SLC4A4: variants seen among roughly 807,000 people sequenced by gnomAD.
The protein encoded by SLC4A4 is electrogenic sodium bicarbonate cotransporter 1.
Under a neutral mutation model 111.5 loss-of-function variants are expected in SLC4A4, and 27 were observed. The observed-to-expected ratio is 0.24, with a 90% CI of 0.18 to 0.33. The LOEUF (loss-of-function observed/expected upper bound fraction) is 0.33. SLC4A4 is among the 10% of genes least tolerant of loss of function. The pLI, the probability that SLC4A4 is intolerant of heterozygous loss-of-function variation, is 1.00. For synonymous variants in SLC4A4, 443 were observed against 463.4 expected, an observed-to-expected ratio of 0.96 and a Z score of 0.57; for missense variants, 909 against 1,315.5, an observed-to-expected ratio of 0.69 and a Z score of 4.78.
intron 3 of SLC4A4, 137 bp downstream of exon 3, chr4:71,255,536 T>A: frequency 1.0e-6 from 1 of 966,476 alleles, no homozygotes; most frequent in Non-Finnish European, 1.6e-6. Flanking sequence ...TAAAGGATAA[T>A]GTCTGTGGAG....
At chr4:71,361,492 G>T (rs958422730) in intron 6 of SLC4A4, among the ~76,000 whole-genome samples, 2 of 152,230 alleles carry the variant, frequency 1.3e-5, no homozygotes, top group African/African-American at 4.8e-5. Flanking sequence ...ATGCCTGCCA[G>T]GTACTAAATT....
intron 13 of SLC4A4, among the ~76,000 whole-genome samples, chr4:71,468,107 A>G (rs1226718411): frequency 1.3e-5 from 2 of 152,064 alleles, no homozygotes; most frequent in African/African-American, 4.8e-5. Flanking sequence ...AAAAGTTCCA[A>G]ATTTTAAGTA....
Position 71,321,700 on chromosome 4 carries a change from AG to A in SLC4A4, c.254-17665del, listed in dbSNP as rs369709286. Among the ~76,000 whole-genome samples the A allele has an allele frequency of 4.3e-3, 657 of 152,068 alleles. 7 individuals carry two copies. Among genetic ancestry groups the A allele is most frequent in the Middle Eastern group, 0.017 (5 of 294 alleles). On this transcript the variant is annotated intron_variant, in intron 3 of 25. Coordinates refer to ENST00000264485, the MANE Select transcript of SLC4A4 (RefSeq NM_001098484.3). ...GGCAAAGAAGGCAAAAGAGAGCAAG[AG>A]GGGGTGAATCCATTCCCCAGATAAT...
chr4:71,424,617 T>C (rs899033423), intron 7 of SLC4A4, among the ~76,000 whole-genome samples: 1 of 152,000 alleles, frequency 6.6e-6, no homozygotes, highest in Non-Finnish European at 1.5e-5. Context: ...ATAGACTGAA[T>C]TAAGAAAATG....
At chr4:71,235,078 A>G (rs1254635036) in intron 1 of SLC4A4, among the ~76,000 whole-genome samples, 1 of 152,182 alleles carries the variant, frequency 6.6e-6, no homozygotes, top group East Asian at 1.9e-4. Flanking sequence ...CCATCAATGC[A>G]TGGTTGATAT....
At chr4:71,417,020 C>A in intron 7 of SLC4A4, among the ~76,000 whole-genome samples, 1 of 152,116 alleles carries the variant, frequency 6.6e-6, no homozygotes, top group Non-Finnish European at 1.5e-5. Context: ...AGTCGACTAC[C>A]ACGAGATGGA....
At chr4:71,186,513 C>A (rs556236623), upstream of SLC4A4, among the ~76,000 whole-genome samples, 1 of 152,252 alleles carries the variant, frequency 6.6e-6, no homozygotes, top group East Asian at 1.9e-4. Context: ...GAAAAGGAAC[C>A]TGGGAGGCAA....
At chr4:71,308,553 G>C (rs1310161058) in intron 3 of SLC4A4, among the ~76,000 whole-genome samples, 2 of 152,134 alleles carry the variant, frequency 1.3e-5, no homozygotes, top group African/African-American at 4.8e-5. Context: ...TGGTTAGACA[G>C]GGGGTGCAGC....
chr4:71,320,075 T>G (rs1436961518), intron 3 of SLC4A4, among the ~76,000 whole-genome samples: 1 of 152,042 alleles, frequency 6.6e-6, no homozygotes, highest in Non-Finnish European at 1.5e-5. Context: ...GGGGAAGGAT[T>G]GGAGGGTCTT....
At chr4:71,254,690 A>G (rs939079797) in intron 2 of SLC4A4, among the ~76,000 whole-genome samples, 6 of 151,552 alleles carry the variant, frequency 4.0e-5, no homozygotes, top group South Asian at 2.1e-4. Context: ...CCTTACCCCC[A>G]GCAAAATGAC....
intron 2 of SLC4A4, among the ~76,000 whole-genome samples, chr4:71,139,720 A>T (rs908330152): frequency 6.6e-6 from 1 of 152,026 alleles, no homozygotes; most frequent in East Asian, 1.9e-4. Context: ...TATTTCACTG[A>T]TACATAGTAT....
chr4:71,350,179 A>G (rs1729688160), intron 5 of SLC4A4, 107 bp downstream of exon 5: 5 of 1,116,174 alleles, frequency 4.5e-6, no homozygotes, highest in South Asian at 1.3e-5. Flanking sequence ...ATGTTTTATA[A>G]CATTTATTCT....
intron 3 of SLC4A4, chr4:71,301,255 G>A (rs1725232877): frequency 4.0e-6 from 1 of 249,460 alleles, no homozygotes; most frequent in Non-Finnish European, 7.9e-6. Context: ...CATATTTACG[G>A]GAAATCAAGT....
chr4:71,450,479 C>T lies in SLC4A4; in HGVS notation c.1144C>T (p.Pro382Ser). ...EFLDEVIVLPPGEWDPAIRIE... is the reference protein window; with the variant it reads ...EFLDEVIVLPSGEWDPAIRIE... The stretch of plus-strand genomic sequence containing the variant: ...CCTAGATGAAGTCATCGTCCTTCCA[C>T]CTGGGGAATGGGATCCAGCAATTAG... The change falls in exon 10 of 26, where the codon CCT becomes TCT. Residue 382 changes from proline to serine, a missense_variant. By Grantham distance (74) the Pro-to-Ser change is moderately conservative. Around this residue, in one of 7 missense-constraint regions of SLC4A4, gnomAD observed 312 missense variants for 402.0 expected, o/e 0.78. Coordinates refer to ENST00000264485, the MANE Select transcript of SLC4A4 (RefSeq NM_001098484.3). 1 of 1,613,808 alleles carries T rather than the reference C, an allele frequency of 6.2e-7. No homozygotes were observed. The highest frequency in any genetic ancestry group is 8.5e-7 in the Non-Finnish European group (1 of 1,179,824).
rs1725966583 is a variant in SLC4A4 at position 71,453,699 on chromosome 4, A to G, written c.1497+30A>G. On this transcript the variant is annotated intron_variant, in intron 12 of 25. Transcript: ENST00000264485. The stretch of plus-strand genomic sequence containing the variant: ...GTATGGTTTTGAGGAGGACACAAAT[A>G]GTACAGCCCAGATTGCCTTCCTCAC... 3 of 1,610,586 alleles carry G rather than the reference A, an allele frequency of 1.9e-6. No individual in the cohort carries two copies. The East Asian group carries it at 6.7e-5, about 36-fold the overall frequency.
At chr4:71,416,089 C>T (rs1721801685) in intron 7 of SLC4A4, among the ~76,000 whole-genome samples, 1 of 152,176 alleles carries the variant, frequency 6.6e-6, no homozygotes, top group African/African-American at 2.4e-5. Flanking sequence ...TTCCTGTTTT[C>T]ACTACTTGAA....
chr4:71,391,695 A>G (rs1719289334), intron 6 of SLC4A4, among the ~76,000 whole-genome samples: 1 of 152,020 alleles, frequency 6.6e-6, no homozygotes, highest in Non-Finnish European at 1.5e-5. Flanking sequence ...ATGATTATGC[A>G]CTTGAGACTG....
intron 2 of SLC4A4, among the ~76,000 whole-genome samples, chr4:71,101,695 C>T (rs1040326933): frequency 1.1e-4 from 16 of 152,120 alleles, no homozygotes; most frequent in Non-Finnish European, 2.1e-4. Context: ...TTCCAACAGA[C>T]CTGCAGCTGA....
intron 12 of SLC4A4, among the ~76,000 whole-genome samples, chr4:71,462,235 A>G (rs1388591211): frequency 6.6e-6 from 1 of 152,106 alleles, no homozygotes; most frequent in Admixed American, 6.6e-5. Flanking sequence ...TTTTATCCAA[A>G]TAATTATCCC....
Sources: allele counts gnomAD v4.1 joint callset (sites outside exome capture counted in the v4.1 genomes callset), GRCh38; gene constraint gnomAD v4.1.1; regional missense constraint gnomAD v4.1.1; transcripts MANE v1.5; gene names NCBI Gene and HGNC (gene_info 2026-07-23, HGNC 2026-07-21).